Variants in DAB1 observed in about 807,000 individuals in gnomAD.
The protein encoded by DAB1 is DAB adaptor protein 1, also known as disabled homolog 1.
A neutral mutation model predicts 64.6 loss-of-function variants in DAB1; 15 were observed. The observed-to-expected ratio is 0.23, with a 90% CI of 0.16 to 0.36. The LOEUF is 0.36. Among genes scored for constraint, DAB1 ranks in the 10% least tolerant of loss-of-function variants. The probability of loss-of-function intolerance (pLI) is 1.00; values close to 1 mark genes in which losing one functional copy is unlikely to be tolerated. For synonymous variants in DAB1, 235 were observed against 251.9 expected (o/e 0.93, Z 0.64); for missense variants, 596 against 706.7 (o/e 0.84, Z 1.78).
intron 5 of DAB1, among the ~76,000 whole-genome samples, chr1:57,912,704 G>C (rs866582117): frequency 1.3e-5 from 2 of 151,912 alleles, no homozygotes; most frequent in South Asian, 4.1e-4. Flanking sequence ...CCATCGTCTC[G>C]GCCCAAAATC....
chr1:57,872,749 G>T (rs1643974957), intron 1 of DAB1, among the ~76,000 whole-genome samples: 1 of 152,120 alleles, frequency 6.6e-6, no homozygotes, highest in Admixed American at 6.6e-5. Context: ...TCACTGACGG[G>T]AGTGTGAATA....
intron 4 of DAB1, among the ~76,000 whole-genome samples, chr1:57,087,270 A>G (rs1249847945): frequency 2.0e-5 from 3 of 152,238 alleles, no homozygotes; most frequent in Admixed American, 2.0e-4. Context: ...CAACTGTAAT[A>G]GGGCATGGCA....
At chr1:58,328,336 C>T (rs1228601049) in intron 4 of DAB1, among the ~76,000 whole-genome samples, 1 of 152,242 alleles carries the variant, frequency 6.6e-6, no homozygotes, top group Non-Finnish European at 1.5e-5. Flanking sequence ...CAACCCTACT[C>T]CCGTTTTCAT....
intron 4 of DAB1, among the ~76,000 whole-genome samples, chr1:57,121,067 G>A (rs1570730167): frequency 6.6e-6 from 1 of 151,612 alleles, no homozygotes; most frequent in Admixed American, 6.6e-5. Flanking sequence ...TAGTGGGTAG[G>A]GGAGACAGGA....
intron 1 of DAB1, among the ~76,000 whole-genome samples, chr1:57,349,407 C>T (rs1678392516): frequency 6.6e-6 from 1 of 151,986 alleles, no homozygotes; most frequent in Admixed American, 6.6e-5. Context: ...GAGTATCATA[C>T]ATTTAGCCTT....
chr1:58,426,360 G>A (rs1238278395), intron 3 of DAB1, among the ~76,000 whole-genome samples: 1 of 152,200 alleles, frequency 6.6e-6, no homozygotes, highest in African/African-American at 2.4e-5. Flanking sequence ...AACCCATATT[G>A]AGGACACCTG....
At chr1:57,684,295 A>G (rs1407023469) in intron 6 of DAB1, among the ~76,000 whole-genome samples, 1 of 152,144 alleles carries the variant, frequency 6.6e-6, no homozygotes, top group Non-Finnish European at 1.5e-5. Context: ...ACTATGCAAG[A>G]TGACTATCTC....
At chr1:58,130,877 G>A (rs1287025985) in intron 5 of DAB1, among the ~76,000 whole-genome samples, 3 of 151,926 alleles carry the variant, frequency 2.0e-5, no homozygotes, top group Admixed American at 6.6e-5. Context: ...CTTTCTCTCT[G>A]GCTGCCCTTA....
At chr1:58,162,227 C>T (rs1002447687) in intron 4 of DAB1, among the ~76,000 whole-genome samples, 9 of 152,132 alleles carry the variant, frequency 5.9e-5, no homozygotes, top group Admixed American at 1.3e-4. Context: ...CAGTGCTATA[C>T]GAGACTGACA....
intron 6 of DAB1, among the ~76,000 whole-genome samples, chr1:57,731,319 C>T (rs895618706): frequency 2.0e-5 from 3 of 151,942 alleles, no homozygotes; most frequent in Non-Finnish European, 4.4e-5. Flanking sequence ...GGGGACAGGG[C>T]CTGGGGGTGG....
At chr1:57,241,784 A>G (rs768298717) in intron 2 of DAB1, among the ~76,000 whole-genome samples, 18 of 152,130 alleles carry the variant, frequency 1.2e-4, no homozygotes, top group Non-Finnish European at 2.5e-4. Flanking sequence ...ATGGAAGGGA[A>G]GCTTTGGGGT....
intron 5 of DAB1, among the ~76,000 whole-genome samples, chr1:58,070,383 G>A (rs185502673): frequency 6.6e-6 from 1 of 152,130 alleles, no homozygotes; most frequent in African/African-American, 2.4e-5. Flanking sequence ...TGCTGGTTTG[G>A]TCATCACAAC....
At position 57,023,519 on chromosome 1, in the gene DAB1, A is replaced by T. The variant is rs1369505103; in HGVS notation, c.895+12T>A. On this transcript the variant is annotated intron_variant, in intron 11 of 14. Transcript: ENST00000371236. ...AGGCCAAAGGAAGGGAAGCTGGTGGAAGAGGGCTTACCTGAGGGTACAGCA... is the reference window on the plus strand; with the variant it reads ...AGGCCAAAGGAAGGGAAGCTGGTGGTAGAGGGCTTACCTGAGGGTACAGCA... 4.6e-6 allele frequency: 7 copies of T among 1,510,712 alleles called. No homozygotes were observed. Among genetic ancestry groups the T allele is most frequent in the Non-Finnish European group, 6.4e-6 (7 of 1,093,012 alleles). The allele number at this position is 1,510,712 out of a possible 1,614,324, so 93.6% of individuals were successfully genotyped here.
intron 5 of DAB1, among the ~76,000 whole-genome samples, chr1:58,109,728 G>A (rs1296098551): frequency 6.6e-6 from 1 of 151,900 alleles, no homozygotes; most frequent in Admixed American, 6.6e-5. Flanking sequence ...ACGGCAAGAA[G>A]TGGGGTACTT....
chr1:58,447,758 G>A (rs904020512), intron 3 of DAB1, among the ~76,000 whole-genome samples: 2 of 151,950 alleles, frequency 1.3e-5, no homozygotes, highest in South Asian at 4.2e-4. Context: ...GATGAGCAGA[G>A]AGTCTCTTAT....
intron 4 of DAB1, among the ~76,000 whole-genome samples, chr1:58,334,105 G>A (rs1458999701): frequency 2.0e-5 from 3 of 152,122 alleles, no homozygotes; most frequent in Non-Finnish European, 2.9e-5. Context: ...CCTTACTGAC[G>A]TTGAGCTTGG....
At chr1:58,482,018 T>C (rs1372266584) in intron 3 of DAB1, among the ~76,000 whole-genome samples, 1 of 152,200 alleles carries the variant, frequency 6.6e-6, no homozygotes, top group Non-Finnish European at 1.5e-5. Flanking sequence ...ATCATGACAA[T>C]TTTTAACTCC....
chr1:57,756,732 A>T (rs1648827644), intron 6 of DAB1, among the ~76,000 whole-genome samples: 1 of 152,166 alleles, frequency 6.6e-6, no homozygotes, highest in African/African-American at 2.4e-5. Context: ...ACAGATAAAA[A>T]AGTTGAAGTC....
chr1:57,814,229 A>G (rs974717022), intron 6 of DAB1, among the ~76,000 whole-genome samples: 7 of 152,230 alleles, frequency 4.6e-5, no homozygotes, highest in African/African-American at 1.7e-4. Flanking sequence ...TCTATGTGAC[A>G]TTTCCAGCGC....
Sources: allele counts gnomAD v4.1 joint callset (sites outside exome capture counted in the v4.1 genomes callset), GRCh38; gene constraint gnomAD v4.1.1; transcripts MANE v1.5; gene names NCBI Gene and HGNC (gene_info 2026-07-23, HGNC 2026-07-21).